COMMD5: variants seen among roughly 807,000 people sequenced by gnomAD.
COMMD5 encodes COMM domain-containing protein 5.
A neutral mutation model predicts 6.9 loss-of-function variants in COMMD5; 10 were observed. That is an observed-to-expected ratio of 1.44 (90% CI 0.89 to 2.45). The LOEUF (loss-of-function observed/expected upper bound fraction) is 2.45. Among genes scored for constraint, COMMD5 ranks in the 30% most tolerant of loss-of-function variants. COMMD5 has a pLI of 0.00. For missense variants in COMMD5, 234 were observed against 287.8 expected (o/e 0.81, Z 1.35); for synonymous variants, 127 against 125.3 (o/e 1.01, Z -0.09).
intron 1 of COMMD5, chr8:144,842,822 A>G: frequency 2.5e-6 from 4 of 1,614,204 alleles, no homozygotes; most frequent in Non-Finnish European, 3.4e-6. Context: ...TTCCAACACC[A>G]GATAATTCAT....
At chr8:144,844,709 CAAAAAAAAAAAAAAAAAA>C (rs71320849) in intron 1 of COMMD5, among the ~76,000 whole-genome samples, 2 of 88,646 alleles carry the variant, frequency 2.3e-5, no homozygotes, top group South Asian at 3.1e-4. Flanking sequence ...GACTCTGTAT[CAAAAAAAAAAAAAAAAAA>C]AAAAAAAAAC....
intron 1 of COMMD5, 126 bp from the exon 2 acceptor site, chr8:144,851,521 G>C: frequency 1.4e-6 from 1 of 702,722 alleles, no homozygotes; most frequent in South Asian, 2.0e-5. Context: ...TCAGTGCTGC[G>C]GAGATGGCCC....
Position 144,851,213 on chromosome 8 carries a change from GT to G in COMMD5, c.125del (p.Asp42AlafsTer2). The G allele has an allele frequency of 6.2e-7, 1 of 1,613,976 alleles. No individual in the cohort carries two copies. Among genetic ancestry groups the G allele is most frequent in the Non-Finnish European group, 8.5e-7 (1 of 1,180,040 alleles). The stretch of plus-strand genomic sequence containing the variant: ...ACTTTCTGAACGTGCTCCTGTCTAG[GT>G]CCCCTAGTAGCCGGGCCATTGCTGC... ...EVAAMARLLG[D>X]LDRSTFRKLL... is the part of the protein sequence containing the mutation. On this transcript the variant is annotated frameshift_variant, in exon 2 of 2. Transcript: ENST00000305103. LOFTEE classifies it low-confidence loss of function (END_TRUNC).
intron 1 of COMMD5, chr8:144,843,202 A>G: frequency 5.9e-6 from 9 of 1,527,410 alleles, no homozygotes; most frequent in Non-Finnish European, 7.9e-6. Context: ...ATATGTGAAT[A>G]AACCTATAGC....
chr8:144,846,237 C>A, downstream of COMMD5: 3 of 1,477,084 alleles, frequency 2.0e-6, no homozygotes, highest in Admixed American at 2.1e-5. Flanking sequence ...AGCAACCAGC[C>A]AAAAAGGGGC....
chr8:144,845,009 G>A (rs930230865), intron 1 of COMMD5, among the ~76,000 whole-genome samples: 1 of 152,192 alleles, frequency 6.6e-6, no homozygotes, highest in East Asian at 1.9e-4. Context: ...AGGGTGAAAG[G>A]ACAGATGGGA....
At chr8:144,846,763 GTCTCGGC>G (rs1830531766), downstream of COMMD5, 1 of 152,276 alleles carries the variant, frequency 6.6e-6, no homozygotes, top group African/African-American at 2.4e-5. Flanking sequence ...CAGTGGTGCG[GTCTCGGC>G]TCACTGCAAG....
At chr8:144,843,343 A>ACTT (rs1403508296) in intron 1 of COMMD5, 1 of 759,616 alleles carries the variant, frequency 1.3e-6, no homozygotes, top group Non-Finnish European at 2.0e-6. Context: ...TCATCCCAGC[A>ACTT]CTTTGGGAGG....
downstream of COMMD5, among the ~76,000 whole-genome samples, chr8:144,845,275 C>T (rs1041718961): frequency 2.0e-5 from 3 of 152,108 alleles, no homozygotes; most frequent in African/African-American, 4.8e-5. Flanking sequence ...TTCCTTTTGC[C>T]CACCATTCCC....
exon 2 of COMMD5, chr8:144,841,473 T>G: frequency 6.2e-7 from 1 of 1,614,234 alleles, no homozygotes; most frequent in Non-Finnish European, 8.5e-7. Flanking sequence ...ATCCTGGCTT[T>G]GGAGACGTTT....
chr8:144,840,607 G>A (rs777900996), downstream of COMMD5, among the ~76,000 whole-genome samples: 6 of 152,204 alleles, frequency 3.9e-5, no homozygotes, highest in Admixed American at 6.5e-5. Context: ...TTACAGAGTA[G>A]GACAGAAGCC....
chr8:144,843,222 C>T (rs751287431), intron 1 of COMMD5: 50 of 1,494,836 alleles, frequency 3.3e-5, no homozygotes, highest in African/African-American at 5.6e-5. Flanking sequence ...CCTTAACTTA[C>T]TTATTTTATA....
chr8:144,841,241 A>C (rs1333958660), exon 2 of COMMD5: 2 of 1,085,552 alleles, frequency 1.8e-6, no homozygotes, highest in East Asian at 4.8e-5. Context: ...CTGGGGCCTC[A>C]CAGTGCTCAG....
chr8:144,843,105 C>T (rs2130729138), intron 1 of COMMD5: 2 of 1,612,134 alleles, frequency 1.2e-6, no homozygotes, highest in Non-Finnish European at 1.7e-6. Flanking sequence ...AATGCAATGA[C>T]TGTGGCAAAG....
chr8:144,842,963 C>T (rs766373722), intron 1 of COMMD5: 9 of 1,614,178 alleles, frequency 5.6e-6, no homozygotes, highest in Admixed American at 1.7e-5. Context: ...CTGGAAGGGT[C>T]CACCTTTGTG....
chr8:144,850,625 G>C lies in COMMD5; in HGVS notation c.*39C>G. 1 of 1,584,714 alleles carries C rather than the reference G, an allele frequency of 6.3e-7. No homozygotes were observed. The highest frequency in any genetic ancestry group is 8.6e-7 in the Non-Finnish European group (1 of 1,161,660). On this transcript the variant is annotated 3_prime_UTR_variant, in exon 2 of 2. Coordinates refer to ENST00000305103, the MANE Select transcript of COMMD5 (RefSeq NM_014066.4). The surrounding 1 kb of genome is among the most constrained non-coding windows in gnomAD (Gnocchi z 4.0). ...CACTTTGGCACCATCTCAGGTGCCT[G>C]TCCAAGCCGGATCTGAATGGGACTG...
rs762274735 is a variant in COMMD5 at position 144,841,435 on chromosome 8, A to G, written c.*425T>C. 3 of 1,614,252 alleles carry G rather than the reference A, an allele frequency of 1.9e-6. No homozygotes were observed. The South Asian group carries it at 3.3e-5, about 18-fold the overall frequency. Reference sequence around the variant, plus strand: ...ATCAGAATCCTATGGGACAGTGGTCAGAATCTCCCCACAGGACTTTCCTCA... The same window carrying G: ...ATCAGAATCCTATGGGACAGTGGTCGGAATCTCCCCACAGGACTTTCCTCA... On this transcript the variant is annotated 3_prime_UTR_variant and NMD_transcript_variant, in exon 2 of 2. Coordinates refer to the COMMD5 transcript ENST00000530332.
At position 144,851,023 on chromosome 8, in the gene COMMD5, G is replaced by C; in HGVS notation, c.316C>G (p.Pro106Ala). The change falls in exon 2 of 2, where the codon CCT becomes GCT. Residue 106 changes from proline (P) to alanine (A), a missense_variant. By Grantham distance (27) the Pro-to-Ala change is conservative (BLOSUM62 -1). Coordinates refer to ENST00000305103, the MANE Select transcript of COMMD5 (RefSeq NM_014066.4). ...ALRLPPTSLK[P>A]DTFRDQLQEL... ...TGGAGCTGGTCCCTGAAGGTGTCAGGCTTCAGGCTGGTGGGGGGCAGACGG... is the reference window on the plus strand; with the variant it reads ...TGGAGCTGGTCCCTGAAGGTGTCAGCCTTCAGGCTGGTGGGGGGCAGACGG... The C allele has an allele frequency of 6.2e-7, 1 of 1,612,674 alleles. No individual in the cohort carries two copies. The highest frequency in any genetic ancestry group is 8.5e-7 in the Non-Finnish European group (1 of 1,179,822).
chr8:144,851,110 G>A lies in COMMD5; in HGVS notation c.229C>T (p.Leu77=). Residue 77 remains leucine, a synonymous_variant, in exon 2 of 2, where the codon CTG becomes TTG. Transcript: ENST00000305103. ...AGGGCACCCAGCTGCTCCTCCGGCA[G>A]GTTGGCGCTGACCCCAAGACGCTGC... is the stretch of plus-strand genomic sequence containing the variant. The part of the protein sequence containing the change: ...AVQRLGVSAN[L]PEEQLGALLA... 3 of 1,612,440 alleles carry A rather than the reference G, an allele frequency of 1.9e-6. No individual in the cohort carries two copies. The highest frequency in any genetic ancestry group is 2.5e-6 in the Non-Finnish European group (3 of 1,179,616).
Sources: allele counts gnomAD v4.1 joint callset (sites outside exome capture counted in the v4.1 genomes callset), GRCh38; gene constraint gnomAD v4.1.1; non-coding constraint Gnocchi (gnomAD v3.1); transcripts MANE v1.5; gene names NCBI Gene and HGNC (gene_info 2026-07-23, HGNC 2026-07-21).